Variants in BAIAP2 observed in about 807,000 individuals in gnomAD.
The protein encoded by BAIAP2 is BAR/IMD domain-containing adapter protein 2.
BAIAP2 carries 18 observed loss-of-function variants against 63.0 expected under a neutral mutation model. The ratio of observed to expected loss-of-function variants is 0.29; its 90% CI spans 0.20 to 0.42. The LOEUF (loss-of-function observed/expected upper bound fraction) is 0.42. Among genes scored for constraint, BAIAP2 ranks in the 10% least tolerant of loss-of-function variants. The probability of loss-of-function intolerance (pLI) is 1.00; values close to 1 mark genes in which losing one functional copy is unlikely to be tolerated. For synonymous variants in BAIAP2, 386 were observed against 307.6 expected, an observed-to-expected ratio of 1.25 and a Z score of -2.67; for missense variants, 610 against 734.3, an observed-to-expected ratio of 0.83 and a Z score of 1.96.
intron 6 of BAIAP2, chr17:81,087,592 C>G (rs1477088202): frequency 6.6e-6 from 1 of 152,278 alleles, no homozygotes; most frequent in Non-Finnish European, 1.5e-5. Context: ...CCTGGTGGAG[C>G]TGGATCGGCC....
intron 6 of BAIAP2, among the ~76,000 whole-genome samples, chr17:81,092,706 C>T (rs1252106413): frequency 6.6e-6 from 1 of 152,098 alleles, no homozygotes; most frequent in African/African-American, 2.4e-5. Flanking sequence ...CCCTGACGGC[C>T]TTGGGCAGCG....
At chr17:81,045,979 G>A (rs1330050924) in intron 1 of BAIAP2, among the ~76,000 whole-genome samples, 1 of 152,174 alleles carries the variant, frequency 6.6e-6, no homozygotes, top group African/African-American at 2.4e-5. Flanking sequence ...CCTCTGCGGG[G>A]TCTCATGGCC....
In BAIAP2 at chr17:81,116,439, C is replaced by T; in HGVS notation, c.*600C>T. On this transcript the variant is annotated 3_prime_UTR_variant, in exon 14 of 14. Coordinates refer to ENST00000428708, the MANE Select transcript of BAIAP2 (RefSeq NM_001144888.2). ...CACTGGCAATGTCACAAGGGCCTCC[C>T]CAGGCCCCTCCTGCCTCGGGCAGGC... 5 of 1,183,634 alleles carry T rather than the reference C, an allele frequency of 4.2e-6. No individual in the cohort carries two copies. The highest frequency in any genetic ancestry group is 5.9e-6 in the Non-Finnish European group (5 of 848,738). 73.3% of individuals were successfully genotyped at this position (1,183,634 alleles called of 1,614,324 possible).
At chr17:81,108,550 G>A (rs2059449365) in intron 13 of BAIAP2, 41 bp downstream of exon 13, 1 of 1,612,946 alleles carries the variant, frequency 6.2e-7, no homozygotes, top group Non-Finnish European at 8.5e-7. Flanking sequence ...CCGTGGGTGG[G>A]TGTGAAGAGG....
chr17:81,094,238 A>T (rs985386161), intron 6 of BAIAP2, among the ~76,000 whole-genome samples: 4 of 152,224 alleles, frequency 2.6e-5, no homozygotes, highest in African/African-American at 7.2e-5. Flanking sequence ...GTGATCCTCT[A>T]GCCTGTTTGT....
At chr17:81,039,063 GC>G (rs1413426691) in intron 1 of BAIAP2, among the ~76,000 whole-genome samples, 3 of 152,254 alleles carry the variant, frequency 2.0e-5, no homozygotes, top group Non-Finnish European at 4.4e-5. Flanking sequence ...GCACCATCTT[GC>G]CGCAGGGTGG....
intron 12 of BAIAP2, chr17:81,107,224 C>G: frequency 3.1e-6 from 1 of 325,400 alleles, no homozygotes; most frequent in Non-Finnish European, 5.6e-6. Flanking sequence ...TGGGAAGTGG[C>G]TGGCCTAGAG....
chr17:81,067,165 T>G (rs1332516575), intron 3 of BAIAP2, among the ~76,000 whole-genome samples: 3 of 151,806 alleles, frequency 2.0e-5, no homozygotes, highest in Admixed American at 1.3e-4. Flanking sequence ...GTACCTCCCT[T>G]CCCCCCCACA....
In BAIAP2 at chr17:81,062,370, A is replaced by T. The variant is rs1285823603; in HGVS notation, c.217+4403A>T. Among the ~76,000 whole-genome samples, 3 of 149,764 alleles carry T rather than the reference A, an allele frequency of 2.0e-5. No individual in the cohort carries two copies. In the East Asian group the frequency reaches 5.9e-4, roughly 29 times the overall value. Reference sequence around the variant, plus strand: ...TAGCTCATGGATTTTTGTTATTATGACTCTGTGGTATTTATTATGACGCCT... The same window carrying T: ...TAGCTCATGGATTTTTGTTATTATGTCTCTGTGGTATTTATTATGACGCCT... On this transcript the variant is annotated intron_variant, in intron 3 of 13. Coordinates refer to ENST00000428708, the MANE Select transcript of BAIAP2 (RefSeq NM_001144888.2).
At chr17:81,100,357 T>C (rs1409410824) in intron 7 of BAIAP2, among the ~76,000 whole-genome samples, 2 of 92,914 alleles carry the variant, frequency 2.2e-5, no homozygotes, top group Non-Finnish European at 5.2e-5. Context: ...AGAATGTTCT[T>C]GGCTCTTCTG....
Position 81,055,569 on chromosome 17 carries a change from G to GGTTTTTTTTTTTTTTTT in BAIAP2, c.130+1826_130+1827insGTTTTTTTTTTTTTTTT, listed in dbSNP as rs138656369. ...TTCCTCCAGCGAAAGTCTGCAGGGT[G>GGTTTTTTTTTTTTTTTT]TTTTGTTTTTTTTTGAGACGGAGTC... On this transcript the variant is annotated intron_variant, in intron 2 of 13. Coordinates refer to ENST00000428708, the MANE Select transcript of BAIAP2 (RefSeq NM_001144888.2). 4.1e-4 allele frequency among the ~76,000 whole-genome samples: 39 copies of GGTTTTTTTTTTTTTTTT among 94,014 alleles called. 3 individuals are homozygous for GGTTTTTTTTTTTTTTTT. The highest frequency in any genetic ancestry group is 6.7e-4 in the East Asian group (2 of 2,968). The allele number at this position is 94,014 out of a possible 152,430, so 61.7% of individuals were successfully genotyped here. A position where few individuals can be genotyped will look rare whatever the true frequency, so the allele number is the denominator to read the frequency against.
chr17:81,076,054 C>T (rs769017817), intron 3 of BAIAP2, among the ~76,000 whole-genome samples: 1 of 152,098 alleles, frequency 6.6e-6, no homozygotes, highest in African/African-American at 2.4e-5. Flanking sequence ...AAGCCAGCTC[C>T]TGCTGGGGTC....
intron 10 of BAIAP2, among the ~76,000 whole-genome samples, 190 bp downstream of exon 10, chr17:81,104,905 C>G (rs2058939676): frequency 6.6e-6 from 1 of 152,050 alleles, no homozygotes; most frequent in African/African-American, 2.4e-5. Flanking sequence ...CGTCTTCTCC[C>G]CTGGCAGGGG....
In BAIAP2 at chr17:81,106,869, C is replaced by A; in HGVS notation, c.1462C>A (p.Gln488Lys). The A allele has an allele frequency of 1.2e-6, 2 of 1,603,010 alleles. No individual in the cohort carries two copies. The highest frequency in any genetic ancestry group is 1.7e-6 in the Non-Finnish European group (2 of 1,175,156). The change falls in exon 12 of 14, where the codon CAG becomes AAG. Residue 488 changes from glutamine (Q) to lysine (K), a missense_variant. Transcript: ENST00000428708. Reference protein sequence around the residue: ...FPAQTASGFKQRPYSVAVPAF... With the variant: ...FPAQTASGFKKRPYSVAVPAF... ...CGCCCAGACGGCCAGCGGCTTCAAG[C>A]AGAGGCCCTACAGTGTGGCCGTGCC...
chr17:81,061,323 G>A (rs188331983), intron 3 of BAIAP2, among the ~76,000 whole-genome samples: 28 of 152,248 alleles, frequency 1.8e-4, no homozygotes, highest in South Asian at 8.3e-4. Flanking sequence ...CAACTTCATC[G>A]AGGTGTCTGA....
chr17:81,050,747 ACACACATG>A lies in BAIAP2; in HGVS notation c.55-2910_55-2903del, dbSNP rs1489553468. Among the ~76,000 whole-genome samples, 8 of 147,436 alleles carry A rather than the reference ACACACATG, an allele frequency of 5.4e-5. No individual in the cohort carries two copies. The East Asian group carries it at 9.7e-4, about 18-fold the overall frequency. ...CACAAATGTGCACATGCACACGTGG[ACACACATG>A]CACACATGCATGTGTGTATGCACAC... On this transcript the variant is annotated intron_variant, in intron 1 of 13. Transcript: ENST00000428708.
At chr17:81,074,538 C>T (rs887185344) in intron 3 of BAIAP2, among the ~76,000 whole-genome samples, 5 of 139,274 alleles carry the variant, frequency 3.6e-5, no homozygotes, top group Non-Finnish European at 7.7e-5. Context: ...TGTGTGTGCA[C>T]GTGCACAGAT....
Position 81,106,146 on chromosome 17 carries a change from G to GGT in BAIAP2, c.1337+2_1337+3dup. The GGT allele has an allele frequency of 6.3e-7, 1 of 1,577,498 alleles. No homozygotes were observed. Among genetic ancestry groups the GGT allele is most frequent in the Middle Eastern group, 1.7e-4 (1 of 6,002 alleles). ...GATGGCAGTGACAGGCTGCACATGA[G>GGT]GTGAGCTCTGGGCCCAACGGGAGTG... On this transcript the variant is annotated frameshift_variant and splice_region_variant. Transcript: ENST00000428708. LOFTEE classifies it high-confidence loss of function.
At chr17:81,114,104 A>T (rs1183539301) in intron 13 of BAIAP2, among the ~76,000 whole-genome samples, 3 of 147,382 alleles carry the variant, frequency 2.0e-5, no homozygotes, top group African/African-American at 7.5e-5. Flanking sequence ...AGCTGGGACC[A>T]CAGGCATGCA....
Sources: allele counts gnomAD v4.1 joint callset (sites outside exome capture counted in the v4.1 genomes callset), GRCh38; gene constraint gnomAD v4.1.1; transcripts MANE v1.5; gene names NCBI Gene and HGNC (gene_info 2026-07-23, HGNC 2026-07-21).